The following PBX3 variants were observed in gnomAD, a reference collection of about 807,000 sequenced individuals.
PBX3 encodes pre-B-cell leukemia transcription factor 3.
Under a neutral mutation model 48.5 loss-of-function variants are expected in PBX3, and 14 were observed. The observed-to-expected ratio is 0.29, with a 90% confidence interval of 0.19 to 0.45. The LOEUF (loss-of-function observed/expected upper bound fraction) is 0.45. Among genes scored for constraint, PBX3 ranks in the 20% least tolerant of loss-of-function variants. PBX3 has a pLI of 1.00. For missense variants in PBX3, 386 were observed against 546.7 expected (o/e 0.71, Z 2.93); for synonymous variants, 210 against 200.3 (o/e 1.05, Z -0.41).
intron 3 of PBX3, among the ~76,000 whole-genome samples, chr9:125,917,105 A>G (rs1841351248): frequency 6.6e-6 from 1 of 152,134 alleles, no homozygotes; most frequent in South Asian, 2.1e-4. Flanking sequence ...ACATCCTATA[A>G]TTTCACCCAT....
At chr9:125,923,861 C>T (rs1415149098) in intron 3 of PBX3, among the ~76,000 whole-genome samples, 1 of 151,888 alleles carries the variant, frequency 6.6e-6, no homozygotes. Context: ...CCACTGCACC[C>T]AGCCTATTTT....
chr9:125,914,291 G>T (rs569406342), intron 2 of PBX3, among the ~76,000 whole-genome samples: 1 of 152,226 alleles, frequency 6.6e-6, no homozygotes, highest in Non-Finnish European at 1.5e-5. Flanking sequence ...AAATTATGGT[G>T]AGTTAGTTTT....
At chr9:125,953,804 A>G (rs1400585970) in intron 5 of PBX3, among the ~76,000 whole-genome samples, 1 of 152,160 alleles carries the variant, frequency 6.6e-6, no homozygotes, top group Non-Finnish European at 1.5e-5. Flanking sequence ...AGGGGTTCCC[A>G]TGCTGTGCTC....
At chr9:125,796,521 T>C (rs1185074586) in intron 2 of PBX3, among the ~76,000 whole-genome samples, 1 of 152,144 alleles carries the variant, frequency 6.6e-6, no homozygotes, top group African/African-American at 2.4e-5. Context: ...TCATGGATGT[T>C]GTAAAGACTT....
chr9:125,845,216 G>T (rs895463854), intron 2 of PBX3, among the ~76,000 whole-genome samples: 2 of 152,014 alleles, frequency 1.3e-5, no homozygotes, highest in African/African-American at 2.4e-5. Context: ...TTACTATGCA[G>T]TGTGGATGCA....
rs375063108 is a variant in PBX3 at position 125,954,613 on chromosome 9, GC to G, written c.844-6070del. On this transcript the variant is annotated intron_variant, in intron 5 of 8. Coordinates refer to ENST00000373489, the MANE Select transcript of PBX3 (RefSeq NM_006195.6). Reference sequence around the variant, plus strand: ...TGCAGTGGCGCAATCTTGGCTCACTGCAGTCTCTGCCTCCCGGGTTCAAGCG... The same window carrying G: ...TGCAGTGGCGCAATCTTGGCTCACTGAGTCTCTGCCTCCCGGGTTCAAGCG... Among the ~76,000 whole-genome samples, 197 of 152,298 alleles carry G rather than the reference GC, an allele frequency of 1.3e-3. 9 individuals carry two copies. The South Asian group carries it at 0.039, about 30-fold the overall frequency.
intron 2 of PBX3, among the ~76,000 whole-genome samples, chr9:125,829,205 C>T (rs531513274): frequency 6.6e-6 from 1 of 152,318 alleles, no homozygotes; most frequent in East Asian, 1.9e-4. Context: ...TTTCTGTATA[C>T]ATCTCTCTGT....
chr9:125,949,960 GTGA>G (rs1196145610), intron 5 of PBX3, among the ~76,000 whole-genome samples: 2 of 152,138 alleles, frequency 1.3e-5, no homozygotes, highest in Non-Finnish European at 2.9e-5. Flanking sequence ...TTCCACAGTT[GTGA>G]TGTCAGTGTT....
intron 2 of PBX3, among the ~76,000 whole-genome samples, chr9:125,770,731 A>G (rs1174444380): frequency 6.6e-6 from 1 of 152,198 alleles, no homozygotes; most frequent in Non-Finnish European, 1.5e-5. Context: ...TTGTGGCAAT[A>G]TTTAAGAAAA....
intron 2 of PBX3, among the ~76,000 whole-genome samples, chr9:125,850,195 G>GA (rs1435553904): frequency 2.0e-5 from 3 of 152,020 alleles, no homozygotes; most frequent in Admixed American, 6.6e-5. Context: ...GAAATAGAGT[G>GA]AAAATGCCTT....
chr9:125,935,356 AC>A, intron 4 of PBX3, 115 bp from the exon 5 acceptor site: 1 of 801,508 alleles, frequency 1.2e-6, no homozygotes. Context: ...AATAAATTAG[AC>A]CTTAAGGATG....
intron 2 of PBX3, among the ~76,000 whole-genome samples, chr9:125,852,492 C>A (rs1266025938): frequency 6.6e-6 from 1 of 152,112 alleles, no homozygotes; most frequent in African/African-American, 2.4e-5. Flanking sequence ...GGCAATTTGG[C>A]TTTCGGAACA....
In PBX3 at chr9:125,949,315, A is replaced by G. The variant is rs1367857033; in HGVS notation, c.844-11369A>G. The G allele has an allele frequency of 2.6e-6, 4 of 1,548,506 alleles. No individual in the cohort carries two copies. The African/African-American group carries it at 5.5e-5, about 21-fold the overall frequency. On this transcript the variant is annotated intron_variant, in intron 5 of 8. Coordinates refer to ENST00000373489, the MANE Select transcript of PBX3 (RefSeq NM_006195.6). ...TGCCTAGTACAGGGCCTGGCATCTC[A>G]GGAATGTTCATTAAATGCCAGTTGT...
At chr9:125,835,306 A>G (rs1839100483) in intron 2 of PBX3, among the ~76,000 whole-genome samples, 1 of 152,302 alleles carries the variant, frequency 6.6e-6, no homozygotes, top group East Asian at 1.9e-4. Flanking sequence ...ACAGAGGTTA[A>G]GTGACCTGCC....
chr9:125,931,407 A>G (rs925416521), intron 4 of PBX3, among the ~76,000 whole-genome samples: 3 of 152,034 alleles, frequency 2.0e-5, no homozygotes, highest in Non-Finnish European at 4.4e-5. Flanking sequence ...TGCTCGAGTG[A>G]TCTTCCTGCT....
At chr9:125,884,694 C>T (rs1840457751) in intron 2 of PBX3, among the ~76,000 whole-genome samples, 1 of 152,126 alleles carries the variant, frequency 6.6e-6, no homozygotes, top group African/African-American at 2.4e-5. Flanking sequence ...TAAATGCCAA[C>T]AAACACTAGT....
chr9:125,782,907 G>A (rs968054317), intron 2 of PBX3, among the ~76,000 whole-genome samples: 2 of 151,948 alleles, frequency 1.3e-5, no homozygotes, highest in African/African-American at 4.8e-5. Flanking sequence ...CATAGTTTCT[G>A]ATAAGAATTT....
intron 2 of PBX3, among the ~76,000 whole-genome samples, chr9:125,904,646 T>C (rs1841027912): frequency 6.6e-6 from 1 of 151,782 alleles, no homozygotes; most frequent in African/African-American, 2.4e-5. Context: ...AGCATCAGAT[T>C]AAAGGTCAGC....
chr9:125,942,680 AG>A (rs961299776), intron 5 of PBX3, among the ~76,000 whole-genome samples: 9 of 152,228 alleles, frequency 5.9e-5, no homozygotes, highest in Admixed American at 5.9e-4. Flanking sequence ...AACAAGTTGA[AG>A]GAAAAGGCAG....
Sources: allele counts gnomAD v4.1 joint callset (sites outside exome capture counted in the v4.1 genomes callset), GRCh38; gene constraint gnomAD v4.1.1; transcripts MANE v1.5; gene names NCBI Gene and HGNC (gene_info 2026-07-23, HGNC 2026-07-21).